GRID2: variants seen among roughly 807,000 people sequenced by gnomAD.
GRID2 encodes the protein glutamate receptor ionotropic, delta-2.
GRID2 carries 33 observed loss-of-function variants against 114.8 expected under a neutral mutation model. That is an observed-to-expected ratio of 0.29 (90% CI 0.22 to 0.38). The LOEUF (loss-of-function observed/expected upper bound fraction) is 0.38. GRID2 is among the 10% of genes least tolerant of loss of function. The pLI is 1.00. For missense variants in GRID2, 1,184 were observed against 1,257.7 expected (o/e 0.94, Z 0.89); for synonymous variants, 505 against 449.9 (o/e 1.12, Z -1.55).
intron 1 of GRID2, among the ~76,000 whole-genome samples, chr4:92,481,116 A>T (rs760291273): frequency 6.6e-6 from 1 of 152,306 alleles, no homozygotes; most frequent in Admixed American, 6.5e-5. Flanking sequence ...TGACGTAAAC[A>T]TGGTAAGCCA....
At chr4:93,149,213 C>G (rs75701222) in intron 4 of GRID2, among the ~76,000 whole-genome samples, 2,406 of 152,198 alleles carry the variant, frequency 0.016, 66 homozygotes, top group African/African-American at 0.055. Context: ...CTCCATTTTC[C>G]TCTCACAGGT....
chr4:92,646,465 A>C (rs1206601048), intron 2 of GRID2, among the ~76,000 whole-genome samples: 1 of 151,884 alleles, frequency 6.6e-6, no homozygotes, highest in Non-Finnish European at 1.5e-5. Flanking sequence ...CTTAACACTT[A>C]AATCTTGACT....
chr4:92,506,298 T>C (rs1723967886), intron 1 of GRID2, among the ~76,000 whole-genome samples: 2 of 151,948 alleles, frequency 1.3e-5, no homozygotes, highest in African/African-American at 2.4e-5. Flanking sequence ...TTCTAGGAAA[T>C]TGGAGAGGAG....
At chr4:93,538,254 T>G (rs903048368) in intron 13 of GRID2, among the ~76,000 whole-genome samples, 1 of 151,572 alleles carries the variant, frequency 6.6e-6, no homozygotes, top group African/African-American at 2.4e-5. Flanking sequence ...AAGGAGCAAG[T>G]AGGGAATGCT....
intron 13 of GRID2, among the ~76,000 whole-genome samples, chr4:93,532,409 C>T (rs1578202101): frequency 6.6e-6 from 1 of 152,250 alleles, no homozygotes; most frequent in South Asian, 2.1e-4. Flanking sequence ...TCATCTAATA[C>T]CTTAAGCTTG....
At chr4:92,487,147 C>T (rs192522994) in intron 1 of GRID2, among the ~76,000 whole-genome samples, 16 of 151,740 alleles carry the variant, frequency 1.1e-4, no homozygotes, top group East Asian at 3.9e-4. Context: ...TTTCCTATTG[C>T]GTTTCTGATT....
intron 1 of GRID2, among the ~76,000 whole-genome samples, chr4:92,379,368 A>G (rs1281466934): frequency 6.6e-6 from 1 of 151,990 alleles, no homozygotes; most frequent in Non-Finnish European, 1.5e-5. Flanking sequence ...GGCAAAATAT[A>G]TGGAGATATG....
chr4:92,813,918 C>T (rs1309874088), intron 2 of GRID2, among the ~76,000 whole-genome samples: 1 of 152,098 alleles, frequency 6.6e-6, no homozygotes, highest in African/African-American at 2.4e-5. Context: ...CCTAATTAAT[C>T]TTCTACATTT....
chr4:93,690,444 C>T (rs894564468), intron 14 of GRID2, among the ~76,000 whole-genome samples: 4 of 151,914 alleles, frequency 2.6e-5, no homozygotes, highest in Non-Finnish European at 5.9e-5. Context: ...GTATAAAACT[C>T]TTCCTAAATT....
At chr4:93,299,527 A>G (rs2149164460) in intron 8 of GRID2, among the ~76,000 whole-genome samples, 2 of 126,676 alleles carry the variant, frequency 1.6e-5, no homozygotes, top group South Asian at 5.4e-4. Flanking sequence ...AGGAAGGGGA[A>G]CATCACACAC....
At chr4:93,703,014 G>T (rs1323908339) in intron 14 of GRID2, among the ~76,000 whole-genome samples, 4 of 147,456 alleles carry the variant, frequency 2.7e-5, no homozygotes, top group Non-Finnish European at 4.5e-5. Flanking sequence ...AACTGAAAGG[G>T]GTGAAGGAAA....
chr4:93,633,262 T>A (rs1054348776), intron 14 of GRID2, among the ~76,000 whole-genome samples: 15 of 151,876 alleles, frequency 9.9e-5, no homozygotes, highest in African/African-American at 3.6e-4. Flanking sequence ...TATAAGAATT[T>A]TTTTCCTATT....
intron 8 of GRID2, among the ~76,000 whole-genome samples, chr4:93,312,330 GC>G (rs1377206811): frequency 1.3e-5 from 2 of 152,178 alleles, no homozygotes; most frequent in Non-Finnish European, 2.9e-5. Flanking sequence ...GAGTTACGCT[GC>G]CTTCTAATGC....
intron 14 of GRID2, among the ~76,000 whole-genome samples, chr4:93,747,792 T>C (rs577943283): frequency 5.3e-5 from 8 of 151,848 alleles, no homozygotes; most frequent in Admixed American, 2.0e-4. Context: ...TGATTTGTTT[T>C]CCCCCCCAGT....
At position 92,824,986 on chromosome 4, in the gene GRID2, TA is replaced by T. The variant is rs35937917; in HGVS notation, c.244+234708del. On this transcript the variant is annotated intron_variant, in intron 2 of 15. Transcript: ENST00000282020. The stretch of plus-strand genomic sequence containing the variant: ...TTATTTTTCATATCCACAAATTTCT[TA>T]AAAAAAAGGTATTAACATGTATCCC... 2.8e-4 allele frequency among the ~76,000 whole-genome samples: 42 copies of T among 151,680 alleles called. No homozygotes were observed. In the East Asian group the frequency reaches 6.6e-3, roughly 24 times the overall value.
chr4:93,284,553 A>C (rs1363199289), intron 8 of GRID2, among the ~76,000 whole-genome samples: 1 of 151,690 alleles, frequency 6.6e-6, no homozygotes, highest in African/African-American at 2.4e-5. Context: ...TTAATAAATA[A>C]AAGCACATTT....
At position 93,483,341 on chromosome 4, in the gene GRID2, G is replaced by C. The variant is rs916068196; in HGVS notation, c.1859-7298G>C. ...CAATAAAGATCCAACTCTTGAAAAA[G>C]GAATGTTTATTTTTTTAAAAAAGGT... On this transcript the variant is annotated intron_variant, in intron 11 of 15. Coordinates refer to ENST00000282020, the MANE Select transcript of GRID2 (RefSeq NM_001510.4). Among the ~76,000 whole-genome samples, 8 of 151,730 alleles carry C rather than the reference G, an allele frequency of 5.3e-5. No homozygotes were observed. In the South Asian group the frequency reaches 1.7e-3, roughly 32 times the overall value.
intron 4 of GRID2, among the ~76,000 whole-genome samples, chr4:93,143,065 A>G (rs1012298773): frequency 5.9e-5 from 9 of 152,214 alleles, no homozygotes; most frequent in South Asian, 2.1e-4. Flanking sequence ...ATAGGCTGCA[A>G]GAAATCCCAT....
chr4:92,506,078 T>C (rs1450686850), intron 1 of GRID2, among the ~76,000 whole-genome samples: 5 of 152,030 alleles, frequency 3.3e-5, no homozygotes, highest in African/African-American at 1.2e-4. Context: ...ATTTTAAAAT[T>C]AAGGAAACAC....
Sources: gnomAD v4.1 joint callset for allele counts (sites outside exome capture counted in the v4.1 genomes callset) on GRCh38, gnomAD v4.1.1 for gene constraint, MANE v1.5 for transcripts, NCBI Gene and HGNC (gene_info 2026-07-23, HGNC 2026-07-21) for gene names.